ITPR2: variants seen among roughly 807,000 people sequenced by gnomAD.
ITPR2 encodes inositol 1,4,5-trisphosphate-gated calcium channel ITPR2.
In ITPR2, 207 loss-of-function variants were observed where a neutral mutation model predicts 317.1. The ratio of observed to expected loss-of-function variants is 0.65; its 90% confidence interval spans 0.58 to 0.73. The LOEUF is 0.73. Among genes scored for constraint, ITPR2 ranks in the 30% least tolerant of loss-of-function variants. ITPR2 has a pLI of 0.00. For missense variants in ITPR2, 2,613 were observed against 3,284.0 expected (o/e 0.80, Z 4.99); for synonymous variants, 1,156 against 1,149.1 (o/e 1.01, Z -0.12).
chr12:26,527,962 C>G (rs1331448227), intron 37 of ITPR2, among the ~76,000 whole-genome samples: 4 of 152,174 alleles, frequency 2.6e-5, no homozygotes, highest in African/African-American at 9.7e-5. Flanking sequence ...AGGGAAGCGC[C>G]TTATGTGACT....
rs1158374055 is a variant in ITPR2 at position 26,336,210 on chromosome 12, A to C, written c.*3187T>G. On this transcript the variant is annotated 3_prime_UTR_variant, in exon 57 of 57. Transcript: ENST00000381340. ...ATCCCTATCTCCACCTTCTCTCACC[A>C]ACTCCCCAGCCTCCCCACTCATTCT... is the stretch of plus-strand genomic sequence containing the variant. Among the ~76,000 whole-genome samples the C allele has an allele frequency of 1.3e-5, 2 of 152,092 alleles. No homozygotes were observed. Among genetic ancestry groups the C allele is most frequent in the African/African-American group, 2.4e-5 (1 of 41,410 alleles).
At chr12:26,565,469 GAATA>G (rs1160102863) in intron 34 of ITPR2, among the ~76,000 whole-genome samples, 10 of 150,090 alleles carry the variant, frequency 6.7e-5, no homozygotes, top group Admixed American at 2.0e-4. Context: ...AAAATTGGAT[GAATA>G]GATAGACAGA....
intron 26 of ITPR2, among the ~76,000 whole-genome samples, chr12:26,607,164 G>T (rs1946150498): frequency 6.6e-6 from 1 of 152,064 alleles, no homozygotes; most frequent in South Asian, 2.1e-4. Context: ...AGACTGCAAG[G>T]CCTTCTGCTC....
intron 37 of ITPR2, among the ~76,000 whole-genome samples, chr12:26,506,724 T>C (rs1447818167): frequency 6.6e-6 from 1 of 152,134 alleles, no homozygotes; most frequent in Non-Finnish European, 1.5e-5. Flanking sequence ...AACACACTAA[T>C]ATCCCAAAAG....
chr12:26,575,010 T>C (rs1274465415), intron 34 of ITPR2, among the ~76,000 whole-genome samples: 1 of 151,288 alleles, frequency 6.6e-6, no homozygotes, highest in African/African-American at 2.4e-5. Flanking sequence ...GTCTAAACCA[T>C]ATCACAGACA....
At chr12:26,370,482 G>A (rs981744151) in intron 55 of ITPR2, among the ~76,000 whole-genome samples, 1 of 152,064 alleles carries the variant, frequency 6.6e-6, no homozygotes, top group Non-Finnish European at 1.5e-5. Context: ...CCTAAACAAT[G>A]AGCAAATCCA....
chr12:26,798,655 T>C (rs1258992928), intron 1 of ITPR2, among the ~76,000 whole-genome samples: 1 of 152,240 alleles, frequency 6.6e-6, no homozygotes, highest in Non-Finnish European at 1.5e-5. Context: ...AGGATGTTAA[T>C]TCATGTTTGT....
At chr12:26,455,392 G>C (rs1162732266) in intron 45 of ITPR2, among the ~76,000 whole-genome samples, 3 of 147,898 alleles carry the variant, frequency 2.0e-5, no homozygotes, top group Admixed American at 1.3e-4. Context: ...GTGAGATAGA[G>C]TGGTTCTTAA....
intron 2 of ITPR2, among the ~76,000 whole-genome samples, chr12:26,746,536 T>C (rs879489723): frequency 1.2e-4 from 19 of 152,342 alleles, no homozygotes; most frequent in Non-Finnish European, 1.9e-4. Context: ...ATGACTCATG[T>C]CTTTCTCAAA....
At chr12:26,817,037 C>T (rs1239620691) in intron 1 of ITPR2, among the ~76,000 whole-genome samples, 1 of 151,642 alleles carries the variant, frequency 6.6e-6, no homozygotes, top group Non-Finnish European at 1.5e-5. Flanking sequence ...AAAAATTAGC[C>T]GGGCATGGTG....
At chr12:26,486,641 T>C (rs1269406879) in intron 40 of ITPR2, among the ~76,000 whole-genome samples, 1 of 152,192 alleles carries the variant, frequency 6.6e-6, no homozygotes, top group Non-Finnish European at 1.5e-5. Flanking sequence ...TTCAAGGAGG[T>C]AAGAAAATGT....
At chr12:26,542,540 A>G (rs558720909) in intron 37 of ITPR2, among the ~76,000 whole-genome samples, 17 of 152,386 alleles carry the variant, frequency 1.1e-4, no homozygotes, top group African/African-American at 4.1e-4. Context: ...GGTAACATAT[A>G]TAAGTGATTA....
At chr12:26,407,008 C>T (rs1269643393) in intron 52 of ITPR2, among the ~76,000 whole-genome samples, 1 of 152,160 alleles carries the variant, frequency 6.6e-6, no homozygotes, top group African/African-American at 2.4e-5. Context: ...ATCTGTGACA[C>T]ATCTCCAGAG....
chr12:26,587,188 A>G (rs897273044), intron 32 of ITPR2, among the ~76,000 whole-genome samples: 3 of 150,602 alleles, frequency 2.0e-5, no homozygotes, highest in Non-Finnish European at 1.5e-5. Flanking sequence ...CTGAGTATCT[A>G]TTATGTGTGA....
At chr12:26,629,976 A>G (rs1946710986) in intron 22 of ITPR2, among the ~76,000 whole-genome samples, 2 of 152,332 alleles carry the variant, frequency 1.3e-5, no homozygotes, top group South Asian at 4.1e-4. Flanking sequence ...ACTCTTAAGA[A>G]CGTGTGGTGA....
intron 35 of ITPR2, among the ~76,000 whole-genome samples, chr12:26,560,622 A>G (rs1944790598): frequency 6.6e-6 from 1 of 152,098 alleles, no homozygotes; most frequent in Non-Finnish European, 1.5e-5. Flanking sequence ...TTTCATCCAT[A>G]TCACCACCTG....
At position 26,446,645 on chromosome 12, in the gene ITPR2, C is replaced by G. The variant is rs144460566; in HGVS notation, c.6343-2995G>C. ...CTTAACAGAAACACAGAAACATTTG[C>G]AGGCCTTTCTCCCTCCCATTGACTT... is the stretch of plus-strand genomic sequence containing the variant. On this transcript the variant is annotated intron_variant, in intron 45 of 56. Transcript: ENST00000381340. Among the ~76,000 whole-genome samples the G allele has an allele frequency of 2.6e-3, 390 of 149,526 alleles. 3 individuals carry two copies. Among genetic ancestry groups the G allele is most frequent in the African/African-American group, 9.1e-3 (372 of 40,674 alleles).
At chr12:26,780,484 A>C (rs1405566522) in intron 2 of ITPR2, among the ~76,000 whole-genome samples, 1 of 152,218 alleles carries the variant, frequency 6.6e-6, no homozygotes, top group Non-Finnish European at 1.5e-5. Context: ...TTATAGCTAA[A>C]GAAGTGCAGC....
chr12:26,605,116 A>AAAT (rs1388345387), intron 26 of ITPR2, among the ~76,000 whole-genome samples: 11,957 of 94,348 alleles, frequency 0.13, 886 homozygotes, highest in Admixed American at 0.19. Flanking sequence ...AATAAAAAAT[A>AAAT]AAAAATAAAA....
Sources: allele counts gnomAD v4.1 joint callset (sites outside exome capture counted in the v4.1 genomes callset), GRCh38; gene constraint gnomAD v4.1.1; transcripts MANE v1.5; gene names NCBI Gene and HGNC (gene_info 2026-07-23, HGNC 2026-07-21).